ELMO1: variants seen among roughly 807,000 people sequenced by gnomAD.
ELMO1 encodes engulfment and cell motility 1.
In ELMO1, 26 loss-of-function variants were observed where a neutral mutation model predicts 98.9. The observed-to-expected ratio is 0.26, with a 90% confidence interval of 0.19 to 0.36. The LOEUF (loss-of-function observed/expected upper bound fraction) is 0.36. Ranked by LOEUF, ELMO1 falls within the 10% of genes least tolerant of loss-of-function variation. The pLI is 1.00. For synonymous variants in ELMO1, 346 were observed against 346.0 expected (o/e 1.00, Z 0.00); for missense variants, 627 against 935.2 (o/e 0.67, Z 4.30).
chr7:37,293,979 T>C (rs2130979555), intron 4 of ELMO1, among the ~76,000 whole-genome samples: 1 of 152,194 alleles, frequency 6.6e-6, no homozygotes, highest in South Asian at 2.1e-4. Flanking sequence ...AACTAAGAGT[T>C]ATCAGTTGTT....
At chr7:36,914,175 A>G (rs138815854) in intron 16 of ELMO1, among the ~76,000 whole-genome samples, 1 of 152,218 alleles carries the variant, frequency 6.6e-6, no homozygotes, top group African/African-American at 2.4e-5. Flanking sequence ...GCTTACTTCC[A>G]TGAATCCTGC....
At chr7:37,063,320 T>C (rs1796766909) in intron 15 of ELMO1, among the ~76,000 whole-genome samples, 1 of 152,216 alleles carries the variant, frequency 6.6e-6, no homozygotes, top group African/African-American at 2.4e-5. Flanking sequence ...GGTGACTAGC[T>C]AAATCCTGGT....
chr7:37,042,847 A>T (rs1795598161), intron 15 of ELMO1, among the ~76,000 whole-genome samples: 1 of 152,192 alleles, frequency 6.6e-6, no homozygotes, highest in Non-Finnish European at 1.5e-5. Flanking sequence ...TGGGCCACTC[A>T]CAATCTAAAC....
chr7:37,314,794 TC>T (rs1554294091), intron 4 of ELMO1, 55 bp downstream of exon 4: 1 of 1,529,514 alleles, frequency 6.5e-7, no homozygotes. Flanking sequence ...GAAAACATCA[TC>T]ATGATTTACT....
chr7:36,897,505 AC>A (rs1484233394), intron 16 of ELMO1, among the ~76,000 whole-genome samples: 1 of 152,126 alleles, frequency 6.6e-6, no homozygotes. Flanking sequence ...CCCAACAAAT[AC>A]ATATGGTGAA....
At chr7:37,349,164 T>C (rs1374466425) in intron 1 of ELMO1, among the ~76,000 whole-genome samples, 1 of 152,216 alleles carries the variant, frequency 6.6e-6, no homozygotes, top group Non-Finnish European at 1.5e-5. Context: ...CTGCTTCCAC[T>C]CCTCAGCCCC....
intron 15 of ELMO1, among the ~76,000 whole-genome samples, chr7:37,093,690 G>T (rs1451885579): frequency 6.6e-6 from 1 of 152,184 alleles, no homozygotes; most frequent in East Asian, 1.9e-4. Flanking sequence ...AAGCAATTTT[G>T]CTCTTACCAC....
intron 13 of ELMO1, among the ~76,000 whole-genome samples, chr7:37,184,715 C>T (rs1487417469): frequency 6.6e-6 from 1 of 151,898 alleles, no homozygotes; most frequent in Non-Finnish European, 1.5e-5. Context: ...TGAGATTGGC[C>T]TGGGTAATAT....
chr7:36,961,620 C>G (rs1293947515), intron 16 of ELMO1, among the ~76,000 whole-genome samples: 3 of 152,202 alleles, frequency 2.0e-5, no homozygotes, highest in Non-Finnish European at 2.9e-5. Context: ...AAACATCTAA[C>G]TGCTCAAAAA....
intron 16 of ELMO1, among the ~76,000 whole-genome samples, chr7:36,958,115 C>G (rs184204962): frequency 6.6e-6 from 1 of 152,216 alleles, no homozygotes; most frequent in Admixed American, 6.5e-5. Context: ...TCCATCACCC[C>G]ATTCATGGCT....
At chr7:37,374,352 C>T (rs559539851) in intron 1 of ELMO1, among the ~76,000 whole-genome samples, 1 of 152,090 alleles carries the variant, frequency 6.6e-6, no homozygotes, top group East Asian at 1.9e-4. Flanking sequence ...CCATGTTGTC[C>T]GAGAATTAAT....
At chr7:36,886,022 T>C (rs1276681118) in intron 18 of ELMO1, among the ~76,000 whole-genome samples, 3 of 152,144 alleles carry the variant, frequency 2.0e-5, no homozygotes, top group Non-Finnish European at 2.9e-5. Context: ...CGCACCCACA[T>C]TGCCTGGTTC....
At chr7:37,107,373 G>T (rs1584655000) in intron 14 of ELMO1, among the ~76,000 whole-genome samples, 1 of 152,204 alleles carries the variant, frequency 6.6e-6, no homozygotes, top group African/African-American at 2.4e-5. Flanking sequence ...CCTTGAAGAA[G>T]AAACTGATGT....
intron 15 of ELMO1, among the ~76,000 whole-genome samples, chr7:37,050,659 C>CAAA (rs59878335): frequency 1.3e-4 from 19 of 142,732 alleles, no homozygotes; most frequent in Non-Finnish European, 2.9e-4. Context: ...CACACACACA[C>CAAA]AAAAGGTAAC....
At chr7:37,315,162 G>T (rs535080710) in intron 3 of ELMO1, among the ~76,000 whole-genome samples, 1 of 152,216 alleles carries the variant, frequency 6.6e-6, no homozygotes, top group South Asian at 2.1e-4. Flanking sequence ...CCTTTAAGCA[G>T]TTCATCCTCA....
At chr7:37,302,335 T>C (rs1798392460) in intron 4 of ELMO1, among the ~76,000 whole-genome samples, 1 of 152,118 alleles carries the variant, frequency 6.6e-6, no homozygotes, top group South Asian at 2.1e-4. Context: ...TGTGACTACT[T>C]GGAGAGATAA....
chr7:36,904,880 T>C (rs557101584), intron 16 of ELMO1, among the ~76,000 whole-genome samples: 1 of 152,288 alleles, frequency 6.6e-6, no homozygotes, highest in East Asian at 1.9e-4. Context: ...TCCATTTAAA[T>C]AGAGAGTCAA....
chr7:37,224,824 C>T, intron 9 of ELMO1, 55 bp downstream of exon 9: 1 of 1,598,158 alleles, frequency 6.3e-7, no homozygotes, highest in South Asian at 1.1e-5. Flanking sequence ...CAGTGCATTA[C>T]CGTGGCCATC....
In ELMO1 at chr7:37,122,105, A is replaced by T. The variant is rs1020478422; in HGVS notation, c.1191+11025T>A. On this transcript the variant is annotated intron_variant, in intron 14 of 21. Transcript: ENST00000310758. ...AATGCTGAGAGATTTTTGTCACCACAAGGCCTGCCCTAAAAGAGCTCCTGA... is the reference window on the plus strand; with the variant it reads ...AATGCTGAGAGATTTTTGTCACCACTAGGCCTGCCCTAAAAGAGCTCCTGA... Among the ~76,000 whole-genome samples the T allele has an allele frequency of 2.6e-5, 4 of 152,014 alleles. No individual in the cohort carries two copies. In the East Asian group the frequency reaches 7.7e-4, roughly 29 times the overall value.
Sources: allele counts gnomAD v4.1 joint callset (sites outside exome capture counted in the v4.1 genomes callset), GRCh38; gene constraint gnomAD v4.1.1; transcripts MANE v1.5; gene names NCBI Gene and HGNC (gene_info 2026-07-23, HGNC 2026-07-21).